ADAMTS2: variants seen among roughly 807,000 people sequenced by gnomAD.
ADAMTS2 encodes the protein A disintegrin and metalloproteinase with thrombospondin motifs 2.
In ADAMTS2, 50 loss-of-function variants were observed where a neutral mutation model predicts 123.0. The observed-to-expected ratio is 0.41, with a 90% CI of 0.32 to 0.51. ADAMTS2 has a LOEUF of 0.51. ADAMTS2 is among the 20% of genes least tolerant of loss of function. ADAMTS2 has a pLI of 0.35. For synonymous variants in ADAMTS2, 678 were observed against 695.4 expected, an observed-to-expected ratio of 0.98 and a Z score of 0.39; for missense variants, 1,494 against 1,705.2, an observed-to-expected ratio of 0.88 and a Z score of 2.18.
intron 3 of ADAMTS2, among the ~76,000 whole-genome samples, chr5:179,243,784 T>C (rs1765720090): frequency 6.6e-6 from 1 of 152,086 alleles, no homozygotes; most frequent in Non-Finnish European, 1.5e-5. Context: ...AAGGAAACCA[T>C]GCTTATGTAA....
rs921572731 is a variant in ADAMTS2 at position 179,345,042 on chromosome 5, C to T, written c.139+148G>A. The T allele has an allele frequency of 1.3e-5, 7 of 524,722 alleles. No individual in the cohort carries two copies. The highest frequency in any genetic ancestry group is 1.5e-5 in the Non-Finnish European group (6 of 398,322). The allele number at this position is 524,722 out of a possible 1,614,324, so 32.5% of individuals were successfully genotyped here. A position where few individuals can be genotyped will look rare whatever the true frequency, so the allele number is the denominator to read the frequency against. On this transcript the variant is annotated intron_variant, in intron 1 of 21. Transcript: ENST00000251582. The surrounding 1 kb of genome is among the most constrained non-coding windows in gnomAD (Gnocchi z 7.5). ...GGCGCCCCCTGCGCGACCAACCCGGCCCCGAAGTTGGCCAACTTGGCCCCG... is the reference window on the plus strand; with the variant it reads ...GGCGCCCCCTGCGCGACCAACCCGGTCCCGAAGTTGGCCAACTTGGCCCCG...
In ADAMTS2 at chr5:179,314,829, T is replaced by C. The variant is rs1392801653; in HGVS notation, c.534+28938A>G. Reference sequence around the variant, plus strand: ...GGAGTCTTGGGCACACACTTTTTTGTGCCAGGCCCAACCAAGAGCTGCAAG... The same window carrying C: ...GGAGTCTTGGGCACACACTTTTTTGCGCCAGGCCCAACCAAGAGCTGCAAG... On this transcript the variant is annotated intron_variant, in intron 2 of 21. Coordinates refer to ENST00000251582, the MANE Select transcript of ADAMTS2 (RefSeq NM_014244.5). This position sits in a 1 kb window ranked among gnomAD's most constrained non-coding sequence, Gnocchi z 4.5. 6.6e-6 allele frequency among the ~76,000 whole-genome samples: 1 copy of C among 152,066 alleles called. No individual in the cohort carries two copies. The highest frequency in any genetic ancestry group is 1.5e-5 in the Non-Finnish European group (1 of 68,008).
chr5:179,210,946 C>T (rs1764837765), intron 3 of ADAMTS2, among the ~76,000 whole-genome samples: 1 of 152,390 alleles, frequency 6.6e-6, no homozygotes, highest in South Asian at 2.1e-4. Flanking sequence ...TGACCACATG[C>T]TGGCCCTTGC....
Position 179,154,860 on chromosome 5 carries a change from C to T in ADAMTS2, c.1192G>A (p.Asp398Asn). 6.2e-7 allele frequency: 1 copy of T among 1,613,694 alleles called. No homozygotes were observed. The highest frequency in any genetic ancestry group is 8.5e-7 in the Non-Finnish European group (1 of 1,179,924). ...PVRSCTLNHE[D>N]GFSSAFVVAH... is the part of the protein sequence containing the mutation. The stretch of plus-strand genomic sequence containing the variant: ...ACCACAAACGCTGAGGAGAAGCCGT[C>T]CTCATGGTTCAGGGTGCAGCTGCGG... Residue 398 changes from aspartate (D) to asparagine (N), a missense_variant, in exon 7 of 22, where the codon GAC becomes AAC. Coordinates refer to ENST00000251582, the MANE Select transcript of ADAMTS2 (RefSeq NM_014244.5).
intron 2 of ADAMTS2, among the ~76,000 whole-genome samples, chr5:179,286,252 AG>A (rs1211947298): frequency 1.4e-5 from 2 of 146,854 alleles, no homozygotes; most frequent in Non-Finnish European, 3.0e-5. Flanking sequence ...CCCTGTCGAC[AG>A]GCCCTCCCCT....
intron 2 of ADAMTS2, among the ~76,000 whole-genome samples, chr5:179,318,563 C>T (rs1166438999): frequency 6.6e-6 from 1 of 152,228 alleles, no homozygotes; most frequent in Non-Finnish European, 1.5e-5. Flanking sequence ...GGTGCTCCCG[C>T]ACACCCCTCG....
intron 3 of ADAMTS2, among the ~76,000 whole-genome samples, chr5:179,245,306 ACAAAACCCTGC>A (rs1185493917): frequency 5.3e-5 from 8 of 152,212 alleles, no homozygotes; most frequent in African/African-American, 1.7e-4. Flanking sequence ...CCCAGAAGGA[ACAAAACCCTGC>A]CAAAACCCTG....
chr5:179,252,382 T>A (rs1294713062), intron 3 of ADAMTS2, among the ~76,000 whole-genome samples: 1 of 152,162 alleles, frequency 6.6e-6, no homozygotes, highest in Non-Finnish European at 1.5e-5. Flanking sequence ...GTTGCCTTTT[T>A]CTAACTTCTC....
chr5:179,271,306 C>A (rs1284839990), intron 3 of ADAMTS2, among the ~76,000 whole-genome samples: 1 of 152,142 alleles, frequency 6.6e-6, no homozygotes, highest in East Asian at 1.9e-4. Flanking sequence ...GCCAAGGGCA[C>A]GTGGCCAGCT....
chr5:179,121,218 C>A, intron 21 of ADAMTS2: 1 of 153,564 alleles, frequency 6.5e-6, no homozygotes, highest in Non-Finnish European at 1.5e-5. Context: ...TTCCACGAGT[C>A]AGAAGGACAC....
intron 2 of ADAMTS2, among the ~76,000 whole-genome samples, chr5:179,336,660 C>A (rs1217337123): frequency 1.3e-5 from 2 of 152,228 alleles, no homozygotes; most frequent in Non-Finnish European, 2.9e-5. Context: ...CGCTTTCTCA[C>A]CCCCGGGCCT....
rs1765691041 is a variant in ADAMTS2 at position 179,242,442 on chromosome 5, G to T, written c.688+30469C>A. On this transcript the variant is annotated intron_variant, in intron 3 of 21. Coordinates refer to ENST00000251582, the MANE Select transcript of ADAMTS2 (RefSeq NM_014244.5). The surrounding 1 kb of genome is among the most constrained non-coding windows in gnomAD (Gnocchi z 4.2). ...GCCATGAGAATTCCACTTCTGGAATGGTGGTGAGAGGAGCCCCATGGACAC... is the reference window on the plus strand; with the variant it reads ...GCCATGAGAATTCCACTTCTGGAATTGTGGTGAGAGGAGCCCCATGGACAC... Among the ~76,000 whole-genome samples the T allele has an allele frequency of 6.6e-6, 1 of 152,218 alleles. No homozygotes were observed. Among genetic ancestry groups the T allele is most frequent in the African/African-American group, 2.4e-5 (1 of 41,436 alleles).
chr5:179,195,457 A>G (rs1043099681), intron 4 of ADAMTS2, among the ~76,000 whole-genome samples: 1 of 152,182 alleles, frequency 6.6e-6, no homozygotes, highest in African/African-American at 2.4e-5. Context: ...TCTTAATTTC[A>G]ATCTGTGGCC....
At chr5:179,135,491 T>A (rs1349431639) in intron 13 of ADAMTS2, among the ~76,000 whole-genome samples, 2 of 152,146 alleles carry the variant, frequency 1.3e-5, no homozygotes, top group Non-Finnish European at 2.9e-5. Context: ...ACCAAACCAG[T>A]GACCCTCACA....
chr5:179,280,734 G>A (rs907986233), intron 2 of ADAMTS2, among the ~76,000 whole-genome samples: 2 of 152,136 alleles, frequency 1.3e-5, no homozygotes, highest in Admixed American at 1.3e-4. Flanking sequence ...TTGTTATAGA[G>A]GTCAGTAAGT....
intron 4 of ADAMTS2, 42 bp downstream of exon 4, chr5:179,207,471 A>AACCCC: frequency 1.9e-6 from 2 of 1,026,472 alleles, no homozygotes; most frequent in Admixed American, 1.7e-5. Flanking sequence ...CCCCTGGTTG[A>AACCCC]CCCTCCCCGC....
intron 4 of ADAMTS2, among the ~76,000 whole-genome samples, chr5:179,187,270 C>T (rs1025987045): frequency 7.2e-5 from 11 of 152,200 alleles, no homozygotes; most frequent in East Asian, 1.9e-4. Context: ...GGCATGAGAC[C>T]GCAGTTCCTG....
Position 179,181,169 on chromosome 5 carries a change from G to A in ADAMTS2, c.892-14C>T, listed in dbSNP as rs546228866. On this transcript the variant is annotated splice_polypyrimidine_tract_variant and intron_variant, in intron 4 of 21. Transcript: ENST00000251582. This position sits in a 1 kb window ranked among gnomAD's most constrained non-coding sequence, Gnocchi z 4.1. ...GATTTCATTGACCTGAAAGAAACAG[G>A]GAGGCATCAGCGGGAACCACAGGCC... 2.5e-6 allele frequency: 4 copies of A among 1,605,436 alleles called. No homozygotes were observed. The Admixed American group carries it at 5.0e-5, about 20-fold the overall frequency.
chr5:179,280,442 T>C (rs1766859987), intron 2 of ADAMTS2, among the ~76,000 whole-genome samples: 1 of 152,206 alleles, frequency 6.6e-6, no homozygotes, highest in Non-Finnish European at 1.5e-5. Flanking sequence ...ACGTAACCTA[T>C]GAATTACTGC....
Sources: allele counts gnomAD v4.1 joint callset (sites outside exome capture counted in the v4.1 genomes callset), GRCh38; gene constraint gnomAD v4.1.1; non-coding constraint Gnocchi (gnomAD v3.1); transcripts MANE v1.5; gene names NCBI Gene and HGNC (gene_info 2026-07-23, HGNC 2026-07-21).